The following MAF variants were observed in gnomAD, a reference collection of about 807,000 sequenced individuals.
The protein encoded by MAF is transcription factor Maf.
In MAF, 10 loss-of-function variants were observed where a neutral mutation model predicts 22.0. That is an observed-to-expected ratio of 0.45 (90% CI 0.28 to 0.77). The LOEUF (loss-of-function observed/expected upper bound fraction) is 0.77. Among genes scored for constraint, MAF ranks in the 30% least tolerant of loss-of-function variants. MAF has a pLI of 0.12. For missense variants in MAF, 544 were observed against 548.4 expected, an observed-to-expected ratio of 0.99 and a Z score of 0.08; for synonymous variants, 337 against 255.8, an observed-to-expected ratio of 1.32 and a Z score of -3.03.
the MAF span, among the ~76,000 whole-genome samples, chr16:79,396,759 A>G: frequency 6.6e-6 from 1 of 152,060 alleles, no homozygotes; most frequent in Non-Finnish European, 1.5e-5. Context: ...ATACCCAGAC[A>G]CTCTAATTTA....
the MAF span, among the ~76,000 whole-genome samples, chr16:79,379,631 A>T: frequency 8.9e-3 from 1,348 of 152,264 alleles, 9 homozygotes; most frequent in Non-Finnish European, 0.015. Context: ...AAACTTTATC[A>T]AGAGTGGTCA....
At chr16:79,287,260 C>A in the MAF span, among the ~76,000 whole-genome samples, 3 of 152,108 alleles carry the variant, frequency 2.0e-5, no homozygotes, top group Non-Finnish European at 4.4e-5. Context: ...TGCAGGATTG[C>A]GGCAGGCTGT....
intron 1 of MAF, chr16:79,597,548 C>G (rs1567564708): frequency 9.8e-7 from 1 of 1,022,990 alleles, no homozygotes; most frequent in East Asian, 6.5e-5. Context: ...ATTCTGGTAT[C>G]TTTGACAAGG....
chr16:79,369,347 T>C, the MAF span, among the ~76,000 whole-genome samples: 1 of 152,214 alleles, frequency 6.6e-6, no homozygotes, highest in African/African-American at 2.4e-5. Flanking sequence ...CAGTGATTCT[T>C]GGGAGTCAGC....
the MAF span, among the ~76,000 whole-genome samples, chr16:79,450,351 A>C: frequency 6.6e-6 from 1 of 152,190 alleles, no homozygotes; most frequent in African/African-American, 2.4e-5. Flanking sequence ...ACTACCACAA[A>C]ATGCACCTGC....
the MAF span, among the ~76,000 whole-genome samples, chr16:79,557,283 G>A: frequency 6.6e-5 from 10 of 151,948 alleles, no homozygotes; most frequent in South Asian, 2.1e-4. Context: ...GTTTTTGGAG[G>A]AGAAAATTAG....
chr16:79,359,441 T>G, the MAF span, among the ~76,000 whole-genome samples: 2 of 152,168 alleles, frequency 1.3e-5, no homozygotes, highest in Non-Finnish European at 2.9e-5. Flanking sequence ...GAAGATAAGA[T>G]AGTCTAATGC....
At chr16:79,243,024 CAG>C in the MAF span, among the ~76,000 whole-genome samples, 1 of 151,940 alleles carries the variant, frequency 6.6e-6, no homozygotes, top group African/African-American at 2.4e-5. Context: ...CACAAAGTAC[CAG>C]AGTCTCTGGG....
At chr16:79,288,889 C>T in the MAF span, among the ~76,000 whole-genome samples, 1 of 152,088 alleles carries the variant, frequency 6.6e-6, no homozygotes, top group African/African-American at 2.4e-5. Flanking sequence ...ACCACCATGC[C>T]CAGCTAATTT....
chr16:79,289,477 T>G, the MAF span, among the ~76,000 whole-genome samples: 1 of 151,840 alleles, frequency 6.6e-6, no homozygotes, highest in African/African-American at 2.4e-5. Context: ...AGGAAGCAGG[T>G]TTTTGGGGTT....
the MAF span, among the ~76,000 whole-genome samples, chr16:79,314,788 C>T: frequency 1.6e-3 from 243 of 152,278 alleles, no homozygotes; most frequent in African/African-American, 5.5e-3. Context: ...GTTCTACCCA[C>T]GATGCACCTC....
At chr16:79,314,760 C>A in the MAF span, among the ~76,000 whole-genome samples, 1 of 152,090 alleles carries the variant, frequency 6.6e-6, no homozygotes, top group South Asian at 2.1e-4. Context: ...GCTCGGAGGC[C>A]CAGATGATGT....
the MAF span, among the ~76,000 whole-genome samples, chr16:79,377,347 A>G: frequency 6.6e-5 from 10 of 152,160 alleles, no homozygotes; most frequent in Admixed American, 5.2e-4. Context: ...GTCTGTTCAT[A>G]TCCTTCGCCC....
At chr16:79,534,220 C>CA in the MAF span, among the ~76,000 whole-genome samples, 2 of 152,156 alleles carry the variant, frequency 1.3e-5, no homozygotes, top group African/African-American at 4.8e-5. Flanking sequence ...TCAATGAAAA[C>CA]AGAATCCAAA....
rs574147816 is a variant in MAF, at chr16:79,598,343, G to A, written c.1118+442C>T. 4,933 of 1,096,660 alleles carry A rather than the reference G, an allele frequency of 4.5e-3. 17 individuals carry two copies. Among genetic ancestry groups the A allele is most frequent in the South Asian group, 7.0e-3 (202 of 29,024 alleles). 67.9% of individuals were successfully genotyped at this position (1,096,660 alleles called of 1,614,324 possible). On this transcript the variant is annotated intron_variant, in intron 1 of 1. Coordinates refer to ENST00000326043, the MANE Select transcript of MAF (RefSeq NM_005360.5). ...CAGTTCATGAACTGAAGGGGAAGAAGAAGAAAAAATATGTGAATGATGCAG... is the reference window on the plus strand; with the variant it reads ...CAGTTCATGAACTGAAGGGGAAGAAAAAGAAAAAATATGTGAATGATGCAG...
downstream of MAF, among the ~76,000 whole-genome samples, chr16:79,581,594 C>A (rs531231712): frequency 1.5e-4 from 23 of 152,236 alleles, no homozygotes; most frequent in Non-Finnish European, 1.5e-5. Context: ...ACCTCTACTG[C>A]CTACCTGCTA....
the MAF span, among the ~76,000 whole-genome samples, chr16:79,524,321 C>G: frequency 2.0e-5 from 3 of 152,326 alleles, no homozygotes; most frequent in African/African-American, 7.2e-5. Context: ...TGTGACCCAT[C>G]TCTCTTAAGG....
the MAF span, among the ~76,000 whole-genome samples, chr16:79,544,591 G>C: frequency 6.6e-6 from 1 of 151,928 alleles, no homozygotes; most frequent in Non-Finnish European, 1.5e-5. Context: ...TGGATAACAT[G>C]GTGAAACCCC....
chr16:79,487,891 C>G, the MAF span, among the ~76,000 whole-genome samples: 1 of 152,308 alleles, frequency 6.6e-6, no homozygotes, highest in East Asian at 1.9e-4. Context: ...GATTTCCAGC[C>G]TGCATTTTAA....
Sources: gnomAD v4.1 joint callset for allele counts (sites outside exome capture counted in the v4.1 genomes callset) on GRCh38, gnomAD v4.1.1 for gene constraint, MANE v1.5 for transcripts, NCBI Gene and HGNC (gene_info 2026-07-23, HGNC 2026-07-21) for gene names.